The following NCK1 variants were observed in gnomAD, a reference collection of about 807,000 sequenced individuals.
NCK1 encodes NCK adaptor protein 1.
In NCK1, 19 loss-of-function variants were observed where a neutral mutation model predicts 36.6. The ratio of observed to expected loss-of-function variants is 0.52; its 90% CI spans 0.36 to 0.76. The LOEUF (loss-of-function observed/expected upper bound fraction) is 0.76, where lower values mean the gene tolerates loss of function less well. NCK1 is among the 30% of genes least tolerant of loss of function. NCK1 has a pLI of 0.00. For synonymous variants in NCK1, 165 were observed against 156.0 expected (o/e 1.06, Z -0.43); for missense variants, 358 against 445.6 (o/e 0.80, Z 1.77).
At position 136,949,242 on chromosome 3, in the gene NCK1, A is replaced by T. The variant is rs1175607516; in HGVS notation, c.*789A>T. 6.6e-6 allele frequency: 1 copy of T among 151,946 alleles called. No homozygotes were observed. Among genetic ancestry groups the T allele is most frequent in the Non-Finnish European group, 1.5e-5 (1 of 67,872 alleles). 9.4% of individuals were successfully genotyped at this position (151,946 alleles called of 1,614,324 possible). On this transcript the variant is annotated 3_prime_UTR_variant, in exon 4 of 4. Coordinates refer to ENST00000481752, the MANE Select transcript of NCK1 (RefSeq NM_001291999.2). ...TTATTTTTTTAATCCCACTTGTATT[A>T]TTTTACCTCTAGAGCATCTTGTATT...
chr3:136,888,286 C>T (rs1470105594), intron 1 of NCK1, among the ~76,000 whole-genome samples: 1 of 151,830 alleles, frequency 6.6e-6, no homozygotes, highest in African/African-American at 2.4e-5. Context: ...TTAGTCTTGT[C>T]GGTTTTTAAA....
chr3:136,908,206 A>G (rs1249180034), intron 1 of NCK1, among the ~76,000 whole-genome samples: 2 of 152,232 alleles, frequency 1.3e-5, no homozygotes, highest in Non-Finnish European at 2.9e-5. Flanking sequence ...CTTAGGGTAC[A>G]TAGGTCCGCA....
chr3:136,907,691 A>G (rs998761746), intron 1 of NCK1, among the ~76,000 whole-genome samples: 1 of 152,050 alleles, frequency 6.6e-6, no homozygotes, highest in Non-Finnish European at 1.5e-5. Flanking sequence ...TTATCTCCTC[A>G]CTATTTTGTT....
At chr3:136,917,632 C>CCAG (rs1167564063) in intron 1 of NCK1, among the ~76,000 whole-genome samples, 1 of 152,188 alleles carries the variant, frequency 6.6e-6, no homozygotes, top group Non-Finnish European at 1.5e-5. Context: ...TGTCATGCCT[C>CCAG]TGGTTTCTAG....
intron 1 of NCK1, among the ~76,000 whole-genome samples, chr3:136,874,546 A>C (rs867577229): frequency 7.9e-5 from 12 of 151,546 alleles, no homozygotes; most frequent in Admixed American, 1.3e-4. Flanking sequence ...TTGGAGTAGA[A>C]TTGTGCTGTC....
chr3:136,946,298 A>G lies in NCK1; in HGVS notation c.939+3A>G. On this transcript the variant is annotated splice_donor_region_variant and intron_variant, in intron 3 of 3. Coordinates refer to ENST00000481752, the MANE Select transcript of NCK1 (RefSeq NM_001291999.2). ...TCATTCGTGATAGTGAATCTTCGGT[A>G]AGTTGATTTTCGGAGGTAAATACAA... 6.2e-7 allele frequency: 1 copy of G among 1,600,634 alleles called. No homozygotes were observed. The highest frequency in any genetic ancestry group is 2.2e-5 in the East Asian group (1 of 44,736).
At chr3:136,926,965 TTGTA>T (rs1482907005) in intron 1 of NCK1, among the ~76,000 whole-genome samples, 2 of 152,032 alleles carry the variant, frequency 1.3e-5, no homozygotes, top group African/African-American at 4.8e-5. Flanking sequence ...TTAATAATGT[TTGTA>T]TTTATTTATT....
chr3:136,923,559 C>CAAAT (rs71134421), intron 1 of NCK1, among the ~76,000 whole-genome samples: 9,307 of 145,600 alleles, frequency 0.064, 375 homozygotes, highest in East Asian at 0.1. Flanking sequence ...GACTCCGTCT[C>CAAAT]AAATAAATAA....
chr3:136,944,857 T>C (rs979300602), intron 2 of NCK1, among the ~76,000 whole-genome samples: 1 of 152,200 alleles, frequency 6.6e-6, no homozygotes, highest in East Asian at 1.9e-4. Flanking sequence ...TTTGTATTGA[T>C]AGTACCATTT....
At position 136,945,990 on chromosome 3, in the gene NCK1, G is replaced by T; in HGVS notation, c.634G>T (p.Glu212Ter). ...SSSNDEELNFEKGDVMDVIEK... is the reference protein window; with the variant it reads ...SSSNDEELNF Reference sequence around the variant, plus strand: ...ATCTAATGATGAAGAACTTAATTTCGAGAAAGGAGATGTAATGGATGTTAT... The same window carrying T: ...ATCTAATGATGAAGAACTTAATTTCTAGAAAGGAGATGTAATGGATGTTAT... Residue 212 changes from glutamate (E) to a stop codon, truncating the protein, a stop_gained, in exon 3 of 4, where the codon GAG becomes TAG. Coordinates refer to ENST00000481752, the MANE Select transcript of NCK1 (RefSeq NM_001291999.2). LOFTEE classifies it high-confidence loss of function. The T allele has an allele frequency of 6.2e-7, 1 of 1,613,924 alleles. No homozygotes were observed. The highest frequency in any genetic ancestry group is 2.2e-5 in the East Asian group (1 of 44,866).
chr3:136,905,568 A>G (rs1939662204), intron 1 of NCK1, among the ~76,000 whole-genome samples: 1 of 151,466 alleles, frequency 6.6e-6, no homozygotes, highest in Non-Finnish European at 1.5e-5. Context: ...ATTCTCTTGT[A>G]TCTTACTGGG....
At chr3:136,873,813 T>C (rs2108070511) in intron 1 of NCK1, among the ~76,000 whole-genome samples, 1 of 152,316 alleles carries the variant, frequency 6.6e-6, no homozygotes, top group South Asian at 2.1e-4. Flanking sequence ...CTCTCTTGTC[T>C]GCCGCCACGT....
At chr3:136,882,450 C>T (rs1476184486) in intron 1 of NCK1, among the ~76,000 whole-genome samples, 1 of 152,052 alleles carries the variant, frequency 6.6e-6, no homozygotes, top group Non-Finnish European at 1.5e-5. Flanking sequence ...ACACAACAGC[C>T]AGAGAAATGT....
chr3:136,928,362 G>T lies in NCK1; in HGVS notation c.226+135G>T, dbSNP rs555069449. 187 of 779,896 alleles carry T rather than the reference G, an allele frequency of 2.4e-4. No individual in the cohort carries two copies. The African/African-American group carries it at 2.9e-3, about 12-fold the overall frequency. The allele number at this position is 779,896 out of a possible 1,614,324, so 48.3% of individuals were successfully genotyped here. A position where few individuals can be genotyped will look rare whatever the true frequency, so the allele number is the denominator to read the frequency against. On this transcript the variant is annotated intron_variant, in intron 2 of 3. Transcript: ENST00000481752. ...GGCTAGGTAAGTTTGAGTCATAGCA[G>T]GTGGTCAACCCAGAAGACCAGTGAA...
At position 136,951,450 on chromosome 3, in the gene NCK1, G is replaced by A. The variant is rs1323507944; in HGVS notation, c.*2997G>A. 6.6e-6 allele frequency among the ~76,000 whole-genome samples: 1 copy of A among 152,038 alleles called. No homozygotes were observed. Among genetic ancestry groups the A allele is most frequent in the Non-Finnish European group, 1.5e-5 (1 of 68,002 alleles). On this transcript the variant is annotated 3_prime_UTR_variant, in exon 4 of 4. Transcript: ENST00000481752. The stretch of plus-strand genomic sequence containing the variant: ...GTTTCACATAAAATTCAGACTTCTT[G>A]TTTCCCTTTAAAAATGAGAAGCTAA...
In NCK1 at chr3:136,869,050, C is replaced by T. The variant is rs570430976; in HGVS notation, c.-19+6697C>T. 1.4e-3 allele frequency among the ~76,000 whole-genome samples: 206 copies of T among 151,648 alleles called. 2 individuals carry two copies. Among genetic ancestry groups the T allele is most frequent in the Non-Finnish European group, 4.9e-4 (33 of 67,930 alleles). ...TCCAGGAGTTTGAGACCAGCCTGGC[C>T]GGCATGGTGAAACCCCATCTCTACT... On this transcript the variant is annotated intron_variant, in intron 1 of 3. Coordinates refer to ENST00000481752, the MANE Select transcript of NCK1 (RefSeq NM_001291999.2).
chr3:136,928,134 A>G lies in NCK1; in HGVS notation c.133A>G (p.Met45Val), dbSNP rs1243005880. The G allele has an allele frequency of 6.2e-6, 10 of 1,614,062 alleles. No individual in the cohort carries two copies. The highest frequency in any genetic ancestry group is 1.6e-4 in the Middle Eastern group (1 of 6,084). ...SKSWWRVRNS[M>V]NKTGFVPSNY... Reference sequence around the variant, plus strand: ...GTCCTGGTGGCGAGTTCGAAATTCCATGAATAAAACAGGTTTTGTGCCTTC... The same window carrying G: ...GTCCTGGTGGCGAGTTCGAAATTCCGTGAATAAAACAGGTTTTGTGCCTTC... Residue 45 changes from methionine (M) to valine (V), a missense_variant, in exon 2 of 4, where the codon ATG (methionine) becomes GTG (valine). By Grantham distance (21) the Met-to-Val change is conservative. This residue lies in a region of NCK1 where 143 missense variants were observed against 162.4 expected (regional missense o/e 0.88). Transcript: ENST00000481752.
intron 1 of NCK1, among the ~76,000 whole-genome samples, chr3:136,867,117 TTTGTTTCTTTCTTTCCTTCC>T (rs1363004477): frequency 0.017 from 452 of 26,858 alleles, 29 homozygotes; most frequent in Non-Finnish European, 0.022. Flanking sequence ...TCTTTCTTTC[TTTGTTTCTTTCTTTCCTTCC>T]TTCCTTCCTT....
chr3:136,909,509 A>G (rs1939779917), intron 1 of NCK1, among the ~76,000 whole-genome samples: 1 of 152,342 alleles, frequency 6.6e-6, no homozygotes, highest in East Asian at 1.9e-4. Context: ...ACCAATTTCA[A>G]TGGCAGAATG....
Sources: allele counts gnomAD v4.1 joint callset (sites outside exome capture counted in the v4.1 genomes callset), GRCh38; gene constraint gnomAD v4.1.1; regional missense constraint gnomAD v4.1.1; transcripts MANE v1.5; gene names NCBI Gene and HGNC (gene_info 2026-07-23, HGNC 2026-07-21).